Variants in TBXAS1 observed in about 807,000 individuals in gnomAD.
TBXAS1 encodes the protein thromboxane-A synthase.
Under a neutral mutation model 60.7 loss-of-function variants are expected in TBXAS1, and 48 were observed. That is an observed-to-expected ratio of 0.79 (90% CI 0.63 to 1.01). TBXAS1 has a LOEUF of 1.01. Ranked by LOEUF, TBXAS1 falls within the 50% of genes least tolerant of loss-of-function variation. The pLI is 0.00. For missense variants in TBXAS1, 685 were observed against 686.3 expected (o/e 1.00, Z 0.02); for synonymous variants, 287 against 269.7 (o/e 1.06, Z -0.63).
intron 4 of TBXAS1, among the ~76,000 whole-genome samples, chr7:139,912,879 A>T (rs1243552064): frequency 6.6e-6 from 1 of 152,194 alleles, no homozygotes; most frequent in Non-Finnish European, 1.5e-5. Context: ...CAGAGAGGCT[A>T]AATGATCAAC....
chr7:140,011,277 AAAAAAAAC>A (rs1162834786), intron 10 of TBXAS1, among the ~76,000 whole-genome samples: 11 of 17,292 alleles, frequency 6.4e-4, no homozygotes, highest in African/African-American at 1.7e-3. Flanking sequence ...ACTCTGTCTC[AAAAAAAAC>A]AAACAAACAA....
intron 5 of TBXAS1, among the ~76,000 whole-genome samples, chr7:139,937,241 G>A (rs1363530499): frequency 1.3e-5 from 2 of 152,204 alleles, no homozygotes; most frequent in East Asian, 3.8e-4. Flanking sequence ...CATCTCTAGA[G>A]CAAGGGAGCT....
chr7:139,993,200 T>A (rs957667542), intron 9 of TBXAS1, among the ~76,000 whole-genome samples: 2 of 151,820 alleles, frequency 1.3e-5, no homozygotes, highest in African/African-American at 4.8e-5. Flanking sequence ...AAATGGGAAG[T>A]CATATCATCA....
intron 3 of TBXAS1, among the ~76,000 whole-genome samples, chr7:139,881,208 T>A (rs1802663423): frequency 6.6e-6 from 1 of 152,228 alleles, no homozygotes; most frequent in African/African-American, 2.4e-5. Flanking sequence ...CTCCTCTTTA[T>A]CATTGTCTTT....
chr7:140,017,749 G>A lies in TBXAS1; in HGVS notation c.1443G>A (p.Gly481=), dbSNP rs1454720057. 2.5e-6 allele frequency: 4 copies of A among 1,613,988 alleles called. No individual in the cohort carries two copies. The Admixed American group carries it at 6.7e-5, about 27-fold the overall frequency. ...GGGCCGGCCCACGGAGCTGCCTCGG[G>A]GTGCGTCTAGGGCTGCTTGAGGTCA... is the stretch of plus-strand genomic sequence containing the variant. ...PFGAGPRSCL[G]VRLGLLEVKL... is the part of the protein sequence containing the mutation. The change falls in exon 12 of 13, where the codon GGG becomes GGA. Residue 481 remains glycine (G), a synonymous_variant. Coordinates refer to ENST00000448866, the MANE Select transcript of TBXAS1 (RefSeq NM_001061.7).
At chr7:140,011,958 T>C (rs1282847215) in intron 10 of TBXAS1, among the ~76,000 whole-genome samples, 1 of 152,244 alleles carries the variant, frequency 6.6e-6, no homozygotes, top group Non-Finnish European at 1.5e-5. Context: ...TGGCATTTGA[T>C]GGACGGTTTG....
In TBXAS1 at chr7:139,962,710, A is replaced by T. The variant is rs1483901946; in HGVS notation, c.1134+477A>T. 2.0e-5 allele frequency: 4 copies of T among 200,864 alleles called. No homozygotes were observed. The East Asian group carries it at 3.9e-4, about 20-fold the overall frequency. The allele number at this position is 200,864 out of a possible 1,614,324, so 12.4% of individuals were successfully genotyped here. On this transcript the variant is annotated intron_variant, in intron 9 of 12. Transcript: ENST00000448866. ...AGCTGAGGAGGAGGCTCACAAATGG[A>T]ATAAGGGAAGATGGGGCCCGTCAGC...
intron 9 of TBXAS1, among the ~76,000 whole-genome samples, chr7:139,983,864 G>A (rs1225230032): frequency 6.6e-6 from 1 of 152,120 alleles, no homozygotes; most frequent in Non-Finnish European, 1.5e-5. Context: ...ATTTTTATTA[G>A]TTCAGTAGTC....
rs1807756519 is a variant in TBXAS1 at position 139,936,190 on chromosome 7, G to T, written c.334-1G>T. The T allele has an allele frequency of 6.2e-7, 1 of 1,614,030 alleles. No individual in the cohort carries two copies. ...ACCCTCTGCTTGTTACTTCCCAACAGGCGTCGGGTTTGGAGTTCAAGTCGG... is the reference window on the plus strand; with the variant it reads ...ACCCTCTGCTTGTTACTTCCCAACATGCGTCGGGTTTGGAGTTCAAGTCGG... On this transcript the variant is annotated splice_acceptor_variant, in intron 4 of 12. Coordinates refer to ENST00000448866, the MANE Select transcript of TBXAS1 (RefSeq NM_001061.7). LOFTEE classifies it high-confidence loss of function.
At chr7:139,848,362 G>A (rs1021988048) in intron 1 of TBXAS1, among the ~76,000 whole-genome samples, 5 of 152,116 alleles carry the variant, frequency 3.3e-5, no homozygotes, top group African/African-American at 1.2e-4. Flanking sequence ...AAAAAGTTGT[G>A]CATCATTGAT....
chr7:139,885,513 T>C (rs1803024124), intron 3 of TBXAS1, among the ~76,000 whole-genome samples: 1 of 152,248 alleles, frequency 6.6e-6, no homozygotes, highest in Admixed American at 6.5e-5. Flanking sequence ...ATATATCTTT[T>C]GTCAAGAACT....
At chr7:139,956,575 C>G (rs941769543) in intron 7 of TBXAS1, among the ~76,000 whole-genome samples, 2 of 152,238 alleles carry the variant, frequency 1.3e-5, no homozygotes, top group African/African-American at 4.8e-5. Context: ...AACCATTCTG[C>G]TGGGCTGGTA....
intron 9 of TBXAS1, chr7:139,962,452 A>C: frequency 1.9e-6 from 1 of 540,046 alleles, no homozygotes; most frequent in Non-Finnish European, 3.3e-6. Flanking sequence ...TTGTGTGTGC[A>C]CCTTCACTGT....
intron 9 of TBXAS1, among the ~76,000 whole-genome samples, chr7:140,005,428 CA>C (rs35568864): frequency 0.055 from 8,110 of 148,658 alleles, 310 homozygotes; most frequent in African/African-American, 0.11. Flanking sequence ...GACTCTGTCT[CA>C]AAAAAAAAAT....
At chr7:139,933,299 G>T (rs1377956659) in intron 4 of TBXAS1, among the ~76,000 whole-genome samples, 1 of 152,090 alleles carries the variant, frequency 6.6e-6, no homozygotes, top group Non-Finnish European at 1.5e-5. Context: ...TTAAGGATAG[G>T]TACGAGATCC....
In TBXAS1 at chr7:139,995,893, C is replaced by A. The variant is rs562997717; in HGVS notation, c.1135-11198C>A. On this transcript the variant is annotated intron_variant, in intron 9 of 12. Coordinates refer to ENST00000448866, the MANE Select transcript of TBXAS1 (RefSeq NM_001061.7). The stretch of plus-strand genomic sequence containing the variant: ...CCTGGTAGAAGCAGTCTGCCAGTCT[C>A]CCCTCGCTCCCTCTCATTCATCCCC... Among the ~76,000 whole-genome samples the A allele has an allele frequency of 1.7e-4, 26 of 152,286 alleles. No individual in the cohort carries two copies. In the East Asian group the frequency reaches 4.2e-3, roughly 25 times the overall value.
chr7:139,880,073 G>T (rs923356406), intron 3 of TBXAS1, among the ~76,000 whole-genome samples: 8 of 152,064 alleles, frequency 5.3e-5, no homozygotes, highest in African/African-American at 1.9e-4. Flanking sequence ...TGGTAAAGAC[G>T]GGGCTTCAAC....
chr7:139,843,377 C>T (rs1011404074), intron 1 of TBXAS1, among the ~76,000 whole-genome samples: 1 of 151,998 alleles, frequency 6.6e-6, no homozygotes, highest in African/African-American at 2.4e-5. Flanking sequence ...GAGTCTCACT[C>T]TGTCATCCAG....
chr7:139,997,713 G>A lies in TBXAS1; in HGVS notation c.1135-9378G>A, dbSNP rs79378728. Reference sequence around the variant, plus strand: ...AGAAGAAACTGGGGAGGAGCCTGCAGTTAGAGTAAATAGAAGAAACTAGGA... The same window carrying A: ...AGAAGAAACTGGGGAGGAGCCTGCAATTAGAGTAAATAGAAGAAACTAGGA... On this transcript the variant is annotated intron_variant, in intron 9 of 12. Coordinates refer to ENST00000448866, the MANE Select transcript of TBXAS1 (RefSeq NM_001061.7). 7.9e-3 allele frequency among the ~76,000 whole-genome samples: 1,204 copies of A among 152,298 alleles called. 23 individuals are homozygous for A. The highest frequency in any genetic ancestry group is 0.027 in the African/African-American group (1,120 of 41,556).
Sources: gnomAD v4.1 joint callset for allele counts (sites outside exome capture counted in the v4.1 genomes callset) on GRCh38, gnomAD v4.1.1 for gene constraint, MANE v1.5 for transcripts, NCBI Gene and HGNC (gene_info 2026-07-23, HGNC 2026-07-21) for gene names.